The following DRC11 variants were observed in gnomAD, a reference collection of about 807,000 sequenced individuals.
The protein encoded by DRC11 is IQ and AAA domain-containing protein 1.
At chr2:236,383,633 A>ATT in the DRC11 span, among the ~76,000 whole-genome samples, 322 of 122,636 alleles carry the variant, frequency 2.6e-3, 3 homozygotes, top group African/African-American at 9.1e-3. Flanking sequence ...TTGTGTGGTC[A>ATT]TTTTTTTTTT....
At chr2:236,474,777 G>A in the DRC11 span, among the ~76,000 whole-genome samples, 1 of 151,990 alleles carries the variant, frequency 6.6e-6, no homozygotes. Flanking sequence ...AAAAATTTAT[G>A]AAACTCTACT....
the DRC11 span, among the ~76,000 whole-genome samples, chr2:236,393,020 C>T: frequency 6.6e-6 from 1 of 152,136 alleles, no homozygotes; most frequent in Non-Finnish European, 1.5e-5. This position sits in a 1 kb window ranked among gnomAD's most constrained non-coding sequence, Gnocchi z 4.7. Context: ...GGAAATAGAG[C>T]TCCTTTCTCA....
At chr2:236,306,712 T>C in the DRC11 span, among the ~76,000 whole-genome samples, 2 of 152,156 alleles carry the variant, frequency 1.3e-5, no homozygotes, top group African/African-American at 4.8e-5. This position sits in a 1 kb window ranked among gnomAD's most constrained non-coding sequence, Gnocchi z 5.9. Flanking sequence ...TTATTTAGCT[T>C]TGGGGAAGGC....
chr2:236,467,023 TAG>T, the DRC11 span, among the ~76,000 whole-genome samples: 1 of 152,204 alleles, frequency 6.6e-6, no homozygotes, highest in Non-Finnish European at 1.5e-5. Flanking sequence ...TTCTAATATG[TAG>T]AGTTTCCAGT....
At chr2:236,396,537 A>G in the DRC11 span, among the ~76,000 whole-genome samples, 3 of 152,130 alleles carry the variant, frequency 2.0e-5, no homozygotes, top group East Asian at 5.8e-4. Context: ...GATATTACAC[A>G]AAAGGCGTGG....
chr2:236,416,721 TTATATATATATATATATATA>T, the DRC11 span, among the ~76,000 whole-genome samples: 124 of 64,244 alleles, frequency 1.9e-3, 2 homozygotes, highest in East Asian at 0.035. Flanking sequence ...ATATATATAT[TTATATATATATATATATATA>T]TATATATATA....
the DRC11 span, among the ~76,000 whole-genome samples, chr2:236,493,173 T>A: frequency 6.6e-6 from 1 of 152,122 alleles, no homozygotes; most frequent in African/African-American, 2.4e-5. Flanking sequence ...AAACTCCCCT[T>A]TATAAAACCA....
At chr2:236,469,986 C>T in the DRC11 span, among the ~76,000 whole-genome samples, 349 of 152,232 alleles carry the variant, frequency 2.3e-3, no homozygotes, top group African/African-American at 7.9e-3. This position sits in a 1 kb window ranked among gnomAD's most constrained non-coding sequence, Gnocchi z 5.8. Flanking sequence ...AACTGGATAA[C>T]GAAACCTACA....
chr2:236,425,375 T>G, the DRC11 span, among the ~76,000 whole-genome samples: 2 of 152,004 alleles, frequency 1.3e-5, no homozygotes, highest in Admixed American at 1.3e-4. Context: ...AATATCTCAT[T>G]GTTTAATTTG....
the DRC11 span, among the ~76,000 whole-genome samples, chr2:236,415,884 A>C: frequency 1.1e-3 from 165 of 152,364 alleles, no homozygotes; most frequent in African/African-American, 3.8e-3. This position sits in a 1 kb window ranked among gnomAD's most constrained non-coding sequence, Gnocchi z 5.7. Flanking sequence ...GATTCTTAGA[A>C]TAAAATTGGA....
At chr2:236,502,316 C>G in the DRC11 span, among the ~76,000 whole-genome samples, 1 of 151,962 alleles carries the variant, frequency 6.6e-6, no homozygotes, top group Admixed American at 6.6e-5. Flanking sequence ...TGGTGGCTCA[C>G]GCCTGTAATC....
At chr2:236,393,289 CACAG>C in the DRC11 span, among the ~76,000 whole-genome samples, 1 of 152,166 alleles carries the variant, frequency 6.6e-6, no homozygotes, top group Non-Finnish European at 1.5e-5. The surrounding 1 kb of genome is among the most constrained non-coding windows in gnomAD (Gnocchi z 4.7). Context: ...GGACCCAGGG[CACAG>C]ACAGAGGCTC....
the DRC11 span, among the ~76,000 whole-genome samples, chr2:236,325,786 A>G: frequency 6.6e-6 from 1 of 152,190 alleles, no homozygotes; most frequent in East Asian, 1.9e-4. The surrounding 1 kb of genome is among the most constrained non-coding windows in gnomAD (Gnocchi z 4.4). Flanking sequence ...TATTTTTAGT[A>G]GAGACGGGGT....
chr2:236,450,202 T>C, the DRC11 span, among the ~76,000 whole-genome samples: 1 of 152,088 alleles, frequency 6.6e-6, no homozygotes, highest in Non-Finnish European at 1.5e-5. Flanking sequence ...ATTTTTACAG[T>C]GGAATGGGTC....
the DRC11 span, among the ~76,000 whole-genome samples, chr2:236,357,542 ATATAT>A: frequency 2.4e-5 from 3 of 127,132 alleles, no homozygotes; most frequent in African/African-American, 9.4e-5. Flanking sequence ...AATATAATTT[ATATAT>A]TATTACATAT....
At chr2:236,312,165 A>G in the DRC11 span, among the ~76,000 whole-genome samples, 1 of 152,220 alleles carries the variant, frequency 6.6e-6, no homozygotes, top group Non-Finnish European at 1.5e-5. Flanking sequence ...TAGTACAAAA[A>G]TTAAAACTAA....
chr2:236,494,284 T>C, the DRC11 span, among the ~76,000 whole-genome samples: 2 of 152,236 alleles, frequency 1.3e-5, no homozygotes, highest in African/African-American at 4.8e-5. The surrounding 1 kb of genome is among the most constrained non-coding windows in gnomAD (Gnocchi z 4.2). Context: ...TAATTTATCA[T>C]TAGCACCGAC....
At chr2:236,352,682 A>T in the DRC11 span, among the ~76,000 whole-genome samples, 8 of 152,162 alleles carry the variant, frequency 5.3e-5, no homozygotes, top group Non-Finnish European at 1.0e-4. The surrounding 1 kb of genome is among the most constrained non-coding windows in gnomAD (Gnocchi z 7.0). Context: ...TCCTTTACGA[A>T]AATGGGATCT....
chr2:236,337,896 A>C, the DRC11 span, among the ~76,000 whole-genome samples: 1 of 152,104 alleles, frequency 6.6e-6, no homozygotes, highest in African/African-American at 2.4e-5. The surrounding 1 kb of genome is among the most constrained non-coding windows in gnomAD (Gnocchi z 4.9). Context: ...GAGTGATCTT[A>C]ATCTACCCGT....
Sources: gnomAD v4.1 joint callset for allele counts (sites outside exome capture counted in the v4.1 genomes callset) on GRCh38, gnomAD v4.1.1 for gene constraint, Gnocchi (gnomAD v3.1) non-coding constraint, MANE v1.5 for transcripts, NCBI Gene and HGNC (gene_info 2026-07-23, HGNC 2026-07-21) for gene names.